SLC6A16: variants seen among roughly 807,000 people sequenced by gnomAD.
SLC6A16 encodes solute carrier family 6 member 16, also known as orphan sodium- and chloride-dependent neurotransmitter transporter NTT5.
Under a neutral mutation model 65.4 loss-of-function variants are expected in SLC6A16, and 54 were observed. The observed-to-expected ratio is 0.83, with a 90% CI of 0.66 to 1.04. The LOEUF (loss-of-function observed/expected upper bound fraction) is 1.04. Among genes scored for constraint, SLC6A16 ranks in the 50% least tolerant of loss-of-function variants. The pLI is 0.00. For missense variants in SLC6A16, 816 were observed against 914.0 expected, an observed-to-expected ratio of 0.89 and a Z score of 1.38; for synonymous variants, 330 against 346.5, an observed-to-expected ratio of 0.95 and a Z score of 0.53.
At chr19:49,340,154 C>G in the SLC6A16 span, 2 of 1,317,516 alleles carry the variant, frequency 1.5e-6, no homozygotes, top group Non-Finnish European at 1.0e-6. Flanking sequence ...CCGCCCAATT[C>G]ACGGCCCCAC....
rs1274459129 is a variant in SLC6A16 at position 49,310,124 on chromosome 19, A to G, written c.616T>C (p.Trp206Arg). ...LGLYFNVVNSWIIFYMSQSFQ... is the reference protein window; with the variant it reads ...LGLYFNVVNSRIIFYMSQSFQ... Reference sequence around the variant, plus strand: ...GACTGGCTCATGTAGAAGATGATCCAGGAATTGACCACATTGAAGTACAGG... The same window carrying G: ...GACTGGCTCATGTAGAAGATGATCCGGGAATTGACCACATTGAAGTACAGG... Residue 206 changes from tryptophan (W) to arginine (R), a missense_variant, in exon 4 of 12, where the codon TGG becomes CGG. By Grantham distance (101) the Trp-to-Arg change is moderately radical. Coordinates refer to ENST00000335875, the MANE Select transcript of SLC6A16 (RefSeq NM_014037.3). 5 of 1,614,016 alleles carry G rather than the reference A, an allele frequency of 3.1e-6. No homozygotes were observed. In the African/African-American group the frequency reaches 5.3e-5, roughly 17 times the overall value.
At position 49,290,301 on chromosome 19, in the gene SLC6A16, A is replaced by G; in HGVS notation, c.2033T>C (p.Phe678Ser). Residue 678 changes from phenylalanine to serine, a missense_variant, in exon 12 of 12, where the codon TTT becomes TCT. Transcript: ENST00000335875. ...AATCCTATGTATGCGGCAGTATACAAAGTATGCAGGGATGGGGAGGATGAC... is the reference window on the plus strand; with the variant it reads ...AATCCTATGTATGCGGCAGTATACAGAGTATGCAGGGATGGGGAGGATGAC... Reference protein sequence around the residue: ...AIVILPIPAYFVYCRIHRIPF... With the variant: ...AIVILPIPAYSVYCRIHRIPF... The G allele has an allele frequency of 6.2e-7, 1 of 1,614,038 alleles. No homozygotes were observed. The highest frequency in any genetic ancestry group is 1.1e-5 in the South Asian group (1 of 91,072).
At chr19:49,332,488 G>A in the SLC6A16 span, among the ~76,000 whole-genome samples, 1 of 151,652 alleles carries the variant, frequency 6.6e-6, no homozygotes, top group African/African-American at 2.4e-5. Flanking sequence ...AACCTGGGAG[G>A]CGGAGGTTGC....
At chr19:49,322,575 A>G (rs1394359791) in intron 1 of SLC6A16, among the ~76,000 whole-genome samples, 1 of 150,110 alleles carries the variant, frequency 6.7e-6, no homozygotes, top group Non-Finnish European at 1.5e-5. Flanking sequence ...CAGAGGTTGC[A>G]GTGAGCCGAG....
chr19:49,338,172 T>TC, the SLC6A16 span: 1 of 1,444,980 alleles, frequency 6.9e-7, no homozygotes, highest in Non-Finnish European at 9.1e-7. This position sits in a 1 kb window ranked among gnomAD's most constrained non-coding sequence, Gnocchi z 5.0. Context: ...CGCTCCCCAC[T>TC]CCCCAGATGA....
At chr19:49,303,597 G>C (rs1443654531) in intron 7 of SLC6A16, among the ~76,000 whole-genome samples, 3 of 151,590 alleles carry the variant, frequency 2.0e-5, no homozygotes, top group African/African-American at 7.3e-5. Flanking sequence ...AGAGGTTGCA[G>C]TGAGCTGAGA....
At position 49,292,939 on chromosome 19, in the gene SLC6A16, T is replaced by C. The variant is rs1410528417; in HGVS notation, c.1778+284A>G. ...AACGTTTTTATTCTTTATTTGCTAA[T>C]CTGGTTATTGTCTCTCTAGACCACT... is the stretch of plus-strand genomic sequence containing the variant. On this transcript the variant is annotated intron_variant, in intron 10 of 11. Transcript: ENST00000335875. This position sits in a 1 kb window ranked among gnomAD's most constrained non-coding sequence, Gnocchi z 4.3. 6.6e-6 allele frequency among the ~76,000 whole-genome samples: 1 copy of C among 152,222 alleles called. No homozygotes were observed.
chr19:49,311,431 G>A lies in SLC6A16; in HGVS notation c.-64-20C>T, dbSNP rs546161384. The A allele has an allele frequency of 2.5e-5, 36 of 1,427,104 alleles. No individual in the cohort carries two copies. The East Asian group carries it at 8.1e-4, about 32-fold the overall frequency. 88.4% of individuals were successfully genotyped at this position (1,427,104 alleles called of 1,614,324 possible). A position where few individuals can be genotyped will look rare whatever the true frequency, so the allele number is the denominator to read the frequency against. On this transcript the variant is annotated intron_variant, in intron 1 of 11. Coordinates refer to ENST00000335875, the MANE Select transcript of SLC6A16 (RefSeq NM_014037.3). ...GGAGACCTGAAGGACACCAAAATCT[G>A]TAGATTTTAGATTTTAGAGTCAAGT...
chr19:49,329,177 C>T (rs142581656), upstream of SLC6A16, among the ~76,000 whole-genome samples: 1,538 of 152,172 alleles, frequency 0.01, 9 homozygotes, highest in Non-Finnish European at 0.016. Flanking sequence ...ACCACAACCT[C>T]CGCCTCCCAG....
chr19:49,340,084 C>T, the SLC6A16 span: 2 of 1,530,012 alleles, frequency 1.3e-6, no homozygotes, highest in Non-Finnish European at 1.8e-6. Flanking sequence ...ATCAGCCAGC[C>T]CTGCGGCAGT....
chr19:49,324,325 C>A (rs1482186227), intron 1 of SLC6A16, among the ~76,000 whole-genome samples: 1 of 152,092 alleles, frequency 6.6e-6, no homozygotes, highest in African/African-American at 2.4e-5. Context: ...AGTGGGACTC[C>A]ATCTCAAATA....
chr19:49,339,065 CG>C, the SLC6A16 span: 1 of 778,518 alleles, frequency 1.3e-6, no homozygotes, highest in Non-Finnish European at 2.1e-6. The surrounding 1 kb of genome is among the most constrained non-coding windows in gnomAD (Gnocchi z 4.5). Flanking sequence ...GCAGGAGGGG[CG>C]GGGCCCTCTG....
At position 49,309,680 on chromosome 19, in the gene SLC6A16, T is replaced by G. The variant is rs773587871; in HGVS notation, c.847A>C (p.Met283Leu). The G allele has an allele frequency of 2.2e-5, 35 of 1,613,958 alleles. No individual in the cohort carries two copies. Among genetic ancestry groups the G allele is most frequent in the Non-Finnish European group, 2.9e-5 (34 of 1,180,000 alleles). Residue 283 changes from methionine to leucine, a missense_variant, in exon 5 of 12, where the codon ATG (methionine) becomes CTG (leucine). Physicochemically the swap from Met to Leu is conservative, Grantham distance 15. Coordinates refer to ENST00000335875, the MANE Select transcript of SLC6A16 (RefSeq NM_014037.3). ...FLCWCLVGAFMINGLKSTGKV... is the reference protein window; with the variant it reads ...FLCWCLVGAFLINGLKSTGKV... ...CCAGTGGACTTGAGCCCATTGATCATGAAAGCACCAACAAGACACCAGCAA... is the reference window on the plus strand; with the variant it reads ...CCAGTGGACTTGAGCCCATTGATCAGGAAAGCACCAACAAGACACCAGCAA...
chr19:49,327,169 G>A (rs1970807898), upstream of SLC6A16, among the ~76,000 whole-genome samples: 1 of 152,014 alleles, frequency 6.6e-6, no homozygotes, highest in Non-Finnish European at 1.5e-5. Flanking sequence ...TGCCTCCCGG[G>A]TTCAAGCAAT....
intron 7 of SLC6A16, among the ~76,000 whole-genome samples, chr19:49,305,592 CAAAAAAAA>C (rs566209079): frequency 1.9e-5 from 2 of 106,996 alleles, no homozygotes; most frequent in African/African-American, 3.8e-5. Context: ...AGATCTGTCT[CAAAAAAAA>C]AAAAAAAAAA....
chr19:49,296,616 C>T (rs576155681), intron 7 of SLC6A16, among the ~76,000 whole-genome samples: 1 of 152,228 alleles, frequency 6.6e-6, no homozygotes, highest in African/African-American at 2.4e-5. Context: ...TGATCCTTGC[C>T]TCATACCTTA....
chr19:49,339,612 A>T, the SLC6A16 span: 1 of 1,437,552 alleles, frequency 7.0e-7, no homozygotes, highest in Non-Finnish European at 9.1e-7. The surrounding 1 kb of genome is among the most constrained non-coding windows in gnomAD (Gnocchi z 4.5). Flanking sequence ...GTACGCAGGG[A>T]AAGCCTCCTG....
chr19:49,293,971 G>A lies in SLC6A16; in HGVS notation c.1474C>T (p.Pro492Ser), dbSNP rs1191454481. The change falls in exon 9 of 12, where the codon CCT (proline) becomes TCT (serine). Residue 492 changes from proline to serine, a missense_variant. Coordinates refer to ENST00000335875, the MANE Select transcript of SLC6A16 (RefSeq NM_014037.3). The part of the protein sequence containing the change: ...LSFVEAMSFL[P>S]PSVFWSFIFF... ...ATAAAAGACCAGAAGACAGACGGAG[G>A]AAGGAAGGACATGGCTTCAACAAAG... The A allele has an allele frequency of 6.2e-7, 1 of 1,613,652 alleles. No homozygotes were observed. The highest frequency in any genetic ancestry group is 1.3e-5 in the African/African-American group (1 of 74,906).
chr19:49,308,893 T>G lies in SLC6A16; in HGVS notation c.1212A>C (p.Thr404=), dbSNP rs769346410. 3 of 1,614,170 alleles carry G rather than the reference T, an allele frequency of 1.9e-6. No homozygotes were observed. The highest frequency in any genetic ancestry group is 1.3e-5 in the African/African-American group (1 of 75,024). ...CVLGFWATVI[T]HRCCERNAEI... Reference sequence around the variant, plus strand: ...GGCCTTACCTCTCACAGCAGCGATGTGTGATGACTGTCGCCCAGAAGCCCA... The same window carrying G: ...GGCCTTACCTCTCACAGCAGCGATGGGTGATGACTGTCGCCCAGAAGCCCA... The change falls in exon 7 of 12, where the codon ACA becomes ACC. Residue 404 remains threonine, a synonymous_variant. Transcript: ENST00000335875.
Sources: gnomAD v4.1 joint callset for allele counts (sites outside exome capture counted in the v4.1 genomes callset) on GRCh38, gnomAD v4.1.1 for gene constraint, Gnocchi (gnomAD v3.1) non-coding constraint, MANE v1.5 for transcripts, NCBI Gene and HGNC (gene_info 2026-07-23, HGNC 2026-07-21) for gene names.